The following CFAP299 variants were observed in gnomAD, a reference collection of about 807,000 sequenced individuals.
The protein encoded by CFAP299 is cilia and flagella associated protein 299.
Under a neutral mutation model 27.0 loss-of-function variants are expected in CFAP299, and 21 were observed. That is an observed-to-expected ratio of 0.78 (90% CI 0.55 to 1.12). CFAP299 has a LOEUF of 1.12. Among genes scored for constraint, CFAP299 ranks in the 50% most tolerant of loss-of-function variants. The pLI is 0.00. For missense variants in CFAP299, 310 were observed against 276.6 expected, an observed-to-expected ratio of 1.12 and a Z score of -0.86; for synonymous variants, 104 against 98.1, an observed-to-expected ratio of 1.06 and a Z score of -0.36.
chr4:80,805,715 A>T (rs1265695269), intron 3 of CFAP299, among the ~76,000 whole-genome samples: 1 of 151,888 alleles, frequency 6.6e-6, no homozygotes, highest in East Asian at 1.9e-4. Flanking sequence ...AACAATATAA[A>T]TAAAAATAAA....
chr4:80,949,721 T>C (rs955104532), intron 5 of CFAP299, among the ~76,000 whole-genome samples: 4 of 152,096 alleles, frequency 2.6e-5, no homozygotes, highest in African/African-American at 9.7e-5. Context: ...AATAGTTCAA[T>C]TTGGCTTCTG....
chr4:80,893,477 A>G (rs1310881162), intron 4 of CFAP299, among the ~76,000 whole-genome samples: 1 of 151,898 alleles, frequency 6.6e-6, no homozygotes, highest in African/African-American at 2.4e-5. Flanking sequence ...CAAAATATAA[A>G]GCTTAGTAAT....
intron 1 of CFAP299, among the ~76,000 whole-genome samples, chr4:80,339,045 G>A (rs1204958429): frequency 6.6e-6 from 1 of 152,188 alleles, no homozygotes; most frequent in African/African-American, 2.4e-5. Context: ...GGGCTGGAAG[G>A]AAGTGGTTAG....
intron 2 of CFAP299, among the ~76,000 whole-genome samples, chr4:80,554,272 C>T (rs1189698360): frequency 6.6e-6 from 1 of 152,040 alleles, no homozygotes; most frequent in Non-Finnish European, 1.5e-5. Flanking sequence ...TTATTTTTGT[C>T]AGGTTTTCCA....
At chr4:80,537,921 T>C (rs1349211868) in intron 2 of CFAP299, among the ~76,000 whole-genome samples, 1 of 152,164 alleles carries the variant, frequency 6.6e-6, no homozygotes, top group Admixed American at 6.5e-5. Flanking sequence ...CATCATGTTC[T>C]ATGCTGAAAA....
chr4:80,426,762 C>T (rs1727550380), intron 2 of CFAP299, among the ~76,000 whole-genome samples: 1 of 152,196 alleles, frequency 6.6e-6, no homozygotes, highest in Non-Finnish European at 1.5e-5. Context: ...CTTGGTTTCA[C>T]CACTTCTTAA....
At chr4:80,422,158 C>A (rs571907016) in intron 2 of CFAP299, among the ~76,000 whole-genome samples, 3 of 152,262 alleles carry the variant, frequency 2.0e-5, no homozygotes, top group African/African-American at 7.2e-5. Context: ...TGTCTGCAGA[C>A]ATGATGCTCT....
intron 2 of CFAP299, among the ~76,000 whole-genome samples, chr4:80,550,863 A>C (rs1263985628): frequency 6.6e-6 from 1 of 152,098 alleles, no homozygotes; most frequent in Non-Finnish European, 1.5e-5. Flanking sequence ...CATATATACC[A>C]AACTATGCTA....
chr4:80,521,779 A>G (rs1732925188), intron 2 of CFAP299, among the ~76,000 whole-genome samples: 1 of 150,756 alleles, frequency 6.6e-6, no homozygotes, highest in Non-Finnish European at 1.5e-5. Context: ...ATTGTAGCAC[A>G]TGACAGGATT....
At chr4:80,412,821 A>C (rs1288064807) in intron 2 of CFAP299, among the ~76,000 whole-genome samples, 4 of 152,196 alleles carry the variant, frequency 2.6e-5, no homozygotes, top group African/African-American at 9.7e-5. Flanking sequence ...ATCCCTGGTT[A>C]AAGTAATCTC....
At chr4:80,492,366 C>T (rs1397584218) in intron 2 of CFAP299, among the ~76,000 whole-genome samples, 2 of 152,150 alleles carry the variant, frequency 1.3e-5, no homozygotes, top group Admixed American at 6.5e-5. Flanking sequence ...CTCTTTTCAT[C>T]AACAATGTCT....
intron 2 of CFAP299, among the ~76,000 whole-genome samples, chr4:80,393,155 A>G (rs1268991073): frequency 6.6e-6 from 1 of 152,196 alleles, no homozygotes; most frequent in Admixed American, 6.5e-5. Context: ...AAAATAAAAT[A>G]CAAATTTTAA....
At chr4:80,799,066 T>G (rs968244053) in intron 3 of CFAP299, among the ~76,000 whole-genome samples, 2 of 145,300 alleles carry the variant, frequency 1.4e-5, no homozygotes, top group African/African-American at 5.1e-5. Context: ...AGGGGTTCTG[T>G]AAAGGAACAG....
At chr4:80,918,612 AC>A (rs1203506385) in intron 4 of CFAP299, among the ~76,000 whole-genome samples, 3 of 152,148 alleles carry the variant, frequency 2.0e-5, no homozygotes, top group Admixed American at 6.6e-5. Flanking sequence ...CAAACTGATA[AC>A]TAAAATATAT....
At chr4:80,542,211 T>C (rs1734029890) in intron 2 of CFAP299, among the ~76,000 whole-genome samples, 1 of 152,160 alleles carries the variant, frequency 6.6e-6, no homozygotes, top group Non-Finnish European at 1.5e-5. Flanking sequence ...TACTGTTGGC[T>C]TTCCTGGTTT....
chr4:80,856,215 G>A (rs1578186757), intron 3 of CFAP299, among the ~76,000 whole-genome samples: 1 of 150,576 alleles, frequency 6.6e-6, no homozygotes, highest in Admixed American at 6.6e-5. Context: ...CTTTTGAGAA[G>A]TGTCTGTTCA....
chr4:80,831,893 G>C (rs1730318545), intron 3 of CFAP299, among the ~76,000 whole-genome samples: 1 of 152,088 alleles, frequency 6.6e-6, no homozygotes. Flanking sequence ...GAGAGAACAT[G>C]AATCCTTGAA....
At chr4:80,733,882 G>C in intron 3 of CFAP299, among the ~76,000 whole-genome samples, 1 of 152,068 alleles carries the variant, frequency 6.6e-6, no homozygotes, top group East Asian at 1.9e-4. Context: ...GGACACTTAG[G>C]TTGCTTCCAA....
At chr4:80,459,476 A>T (rs1370191317) in intron 2 of CFAP299, among the ~76,000 whole-genome samples, 1 of 152,162 alleles carries the variant, frequency 6.6e-6, no homozygotes, top group Non-Finnish European at 1.5e-5. Context: ...TTCTCTTCCA[A>T]GTGTACTTTA....
Sources: gnomAD v4.1 joint callset for allele counts (sites outside exome capture counted in the v4.1 genomes callset) on GRCh38, gnomAD v4.1.1 for gene constraint, MANE v1.5 for transcripts, NCBI Gene and HGNC (gene_info 2026-07-23, HGNC 2026-07-21) for gene names.